Variants in WRN observed in about 807,000 individuals in gnomAD.
WRN encodes the protein bifunctional 3'-5' exonuclease/ATP-dependent helicase WRN.
WRN carries 149 observed loss-of-function variants against 180.7 expected under a neutral mutation model. That is an observed-to-expected ratio of 0.82 (90% CI 0.72 to 0.94). WRN has a LOEUF of 0.94. Among genes scored for constraint, WRN ranks in the 40% least tolerant of loss-of-function variants. WRN has a pLI of 0.00. For synonymous variants in WRN, 548 were observed against 568.9 expected (o/e 0.96, Z 0.52); for missense variants, 1,661 against 1,700.1 (o/e 0.98, Z 0.40).
At chr8:31,071,559 G>A (rs1278510416) in intron 7 of WRN, among the ~76,000 whole-genome samples, 2 of 152,086 alleles carry the variant, frequency 1.3e-5, no homozygotes, top group Non-Finnish European at 2.9e-5. Flanking sequence ...TTGGCTTACC[G>A]CAGCTTCCAC....
chr8:31,168,381 T>G (rs1203704290), intron 34 of WRN, among the ~76,000 whole-genome samples: 2 of 152,164 alleles, frequency 1.3e-5, no homozygotes, highest in Non-Finnish European at 2.9e-5. Context: ...CTTACTATTT[T>G]TTCTCAATAT....
chr8:31,036,223 C>T (rs1482760927), intron 1 of WRN, among the ~76,000 whole-genome samples: 1 of 152,188 alleles, frequency 6.6e-6, no homozygotes, highest in Non-Finnish European at 1.5e-5. Context: ...TAATACTATT[C>T]CATTGTATAT....
intron 24 of WRN, 42 bp from the exon 25 acceptor site, chr8:31,141,388 T>C (rs1434877144): frequency 1.2e-6 from 2 of 1,610,482 alleles, no homozygotes; most frequent in African/African-American, 2.7e-5. Context: ...CCTATATGTT[T>C]AAATTAGCAT....
At chr8:31,117,469 A>T (rs1174977669) in intron 20 of WRN, among the ~76,000 whole-genome samples, 2 of 152,150 alleles carry the variant, frequency 1.3e-5, no homozygotes, top group Non-Finnish European at 2.9e-5. Context: ...TACAGTTGAG[A>T]TTCCTGACCT....
At chr8:31,051,450 T>C (rs1264820432) in intron 1 of WRN, among the ~76,000 whole-genome samples, 1 of 152,190 alleles carries the variant, frequency 6.6e-6, no homozygotes, top group African/African-American at 2.4e-5. Flanking sequence ...TTTTCTAAAT[T>C]CGTTCTAACC....
intron 18 of WRN, among the ~76,000 whole-genome samples, chr8:31,110,740 G>A (rs1212608007): frequency 6.6e-6 from 1 of 152,064 alleles, no homozygotes. Flanking sequence ...GAGCCAAAAA[G>A]AATATTTTTA....
chr8:31,171,687 G>A (rs1176833333), intron 34 of WRN: 1 of 152,168 alleles, frequency 6.6e-6, no homozygotes, highest in African/African-American at 2.4e-5. Flanking sequence ...AGCTGGAACA[G>A]CTAAGTTTTT....
At chr8:31,082,602 A>AT (rs961269583) in intron 9 of WRN, among the ~76,000 whole-genome samples, 80 of 146,450 alleles carry the variant, frequency 5.5e-4, no homozygotes, top group Middle Eastern at 3.5e-3. Flanking sequence ...GGATTTCATG[A>AT]TTTTTTTTTT....
rs774075901 is a variant in WRN at position 31,081,034 on chromosome 8, A to G, written c.1007A>G (p.His336Arg). The G allele has an allele frequency of 3.1e-6, 5 of 1,613,968 alleles. No homozygotes were observed. Among genetic ancestry groups the G allele is most frequent in the Non-Finnish European group, 4.2e-6 (5 of 1,179,990 alleles). The change falls in exon 9 of 35, where the codon CAT (histidine) becomes CGT (arginine). Residue 336 changes from histidine to arginine, a missense_variant. This residue lies in a region of WRN where 500 missense variants were observed against 504.1 expected (regional missense o/e 0.99). Transcript: ENST00000298139. ...GGVQQKQIRE[H>R]EVLIHVEDET... ...GTACAACAGAAACAAATTAGAGAAC[A>G]TGAAGTTTTAATTCACGTTGAAGAT...
At chr8:31,057,783 T>C (rs1324592991) in intron 1 of WRN, among the ~76,000 whole-genome samples, 1 of 152,086 alleles carries the variant, frequency 6.6e-6, no homozygotes, top group East Asian at 1.9e-4. Flanking sequence ...TTTGAGAGAT[T>C]CTTATTCACT....
chr8:31,173,958 CT>C lies in WRN; in HGVS notation c.*862del, dbSNP rs1017541631. On this transcript the variant is annotated 3_prime_UTR_variant, in exon 35 of 35. Transcript: ENST00000298139. The stretch of plus-strand genomic sequence containing the variant: ...CATCCATTTCAAAGCCTTTGATTGG[CT>C]TTTTTGTAAATAAAAATAACTTGTT... Among the ~76,000 whole-genome samples, 3 of 151,972 alleles carry C rather than the reference CT, an allele frequency of 2.0e-5. No individual in the cohort carries two copies. The highest frequency in any genetic ancestry group is 2.0e-4 in the Admixed American group (3 of 15,250).
intron 20 of WRN, among the ~76,000 whole-genome samples, chr8:31,118,585 G>A (rs1801606901): frequency 6.6e-6 from 1 of 151,876 alleles, no homozygotes; most frequent in Non-Finnish European, 1.5e-5. Context: ...TCACTTTTGT[G>A]TGTTTTTACA....
rs751059046 is a variant in WRN at position 31,059,141 on chromosome 8, A to G, written c.97-12A>G. On this transcript the variant is annotated splice_polypyrimidine_tract_variant and intron_variant, in intron 2 of 34. Transcript: ENST00000298139. The stretch of plus-strand genomic sequence containing the variant: ...GAACTTTGTGCCTGTTTTGAAATTT[A>G]CTAAACTCAAGGCATGTGTTCGGAA... 8 of 1,603,950 alleles carry G rather than the reference A, an allele frequency of 5.0e-6. No homozygotes were observed. In the Admixed American group the frequency reaches 5.0e-5, roughly 10 times the overall value.
At chr8:31,039,929 GTTATC>G (rs924954588) in intron 1 of WRN, among the ~76,000 whole-genome samples, 11 of 152,102 alleles carry the variant, frequency 7.2e-5, no homozygotes, top group African/African-American at 1.7e-4. Context: ...TTTAAATTGT[GTTATC>G]TTATAACAGA....
intron 11 of WRN, 114 bp from the exon 12 acceptor site, chr8:31,087,662 C>T: frequency 9.7e-7 from 1 of 1,034,428 alleles, no homozygotes; most frequent in East Asian, 2.4e-5. Context: ...GCTTGCACAT[C>T]TGCCAGCTTT....
At chr8:31,089,247 A>G (rs924140625) in intron 13 of WRN, among the ~76,000 whole-genome samples, 4 of 152,096 alleles carry the variant, frequency 2.6e-5, no homozygotes, top group Admixed American at 6.6e-5. Context: ...ATGTTAATTT[A>G]ATACTGACTT....
chr8:31,090,450 C>T lies in WRN; in HGVS notation c.1653-15C>T, dbSNP rs1401428177. 23 of 1,609,292 alleles carry T rather than the reference C, an allele frequency of 1.4e-5. No individual in the cohort carries two copies. Among genetic ancestry groups the T allele is most frequent in the Non-Finnish European group, 1.9e-5 (22 of 1,176,938 alleles). On this transcript the variant is annotated splice_polypyrimidine_tract_variant and intron_variant, in intron 13 of 34. Coordinates refer to ENST00000298139, the MANE Select transcript of WRN (RefSeq NM_000553.6). ...ATTAATAAAACAAAATAGCTTTTTG[C>T]TTTTCACCTTCAAGAGTTCAGTGGA... is the stretch of plus-strand genomic sequence containing the variant.
rs373607920 is a variant in WRN, at chr8:31,099,339, G to A, written c.1982-1510G>A. On this transcript the variant is annotated intron_variant, in intron 17 of 34. Coordinates refer to ENST00000298139, the MANE Select transcript of WRN (RefSeq NM_000553.6). ...GAATGGCATGAACCCGGGAGGCAGA[G>A]CTTGCAGTGAGCCGAGATTGCGCCA... Among the ~76,000 whole-genome samples, 6 of 151,644 alleles carry A rather than the reference G, an allele frequency of 4.0e-5. 1 individual carries two copies. Among genetic ancestry groups the A allele is most frequent in the African/African-American group, 1.5e-4 (6 of 41,202 alleles).
At chr8:31,064,497 A>C in intron 4 of WRN, 63 bp downstream of exon 4, 1 of 1,607,948 alleles carries the variant, frequency 6.2e-7, no homozygotes, top group South Asian at 1.1e-5. Flanking sequence ...CTTTATCCCT[A>C]TAAAATTAAG....
Sources: allele counts gnomAD v4.1 joint callset (sites outside exome capture counted in the v4.1 genomes callset), GRCh38; gene constraint gnomAD v4.1.1; regional missense constraint gnomAD v4.1.1; transcripts MANE v1.5; gene names NCBI Gene and HGNC (gene_info 2026-07-23, HGNC 2026-07-21).